The following IL1RAPL1 variants were observed in gnomAD, a reference collection of about 807,000 sequenced individuals.
IL1RAPL1 encodes the protein interleukin-1 receptor accessory protein-like 1.
IL1RAPL1 carries 3 observed loss-of-function variants against 48.4 expected under a neutral mutation model. The observed-to-expected ratio is 0.06, with a 90% CI of 0.03 to 0.16. The LOEUF is 0.16. Among genes scored for constraint, IL1RAPL1 ranks in the 10% least tolerant of loss-of-function variants. IL1RAPL1 has a pLI of 1.00. For missense variants in IL1RAPL1, 349 were observed against 530.6 expected (o/e 0.66, Z 3.36); for synonymous variants, 185 against 187.7 (o/e 0.99, Z 0.12).
intron 2 of IL1RAPL1, among the ~76,000 whole-genome samples, chrX:28,808,405 T>C (rs113114447): frequency 0.012 from 1,361 of 111,123 alleles, 24 homozygotes; most frequent in African/African-American, 0.042. Flanking sequence ...TTAATTTTAA[T>C]CTAGATGCCT....
chrX:29,035,880 T>C (rs1405175183), intron 2 of IL1RAPL1, among the ~76,000 whole-genome samples: 1 of 112,125 alleles, frequency 8.9e-6, no homozygotes, highest in Non-Finnish European at 1.9e-5. Flanking sequence ...CTAATTTTTA[T>C]TGTGATATGT....
chrX:29,816,730 C>T lies in IL1RAPL1; in HGVS notation c.779-100734C>T, dbSNP rs919123016. ...ACATCAAAAAGTTAATTCTCCATGACCACTCTTTAAAAATGATATTTAATG... is the reference window on the plus strand; with the variant it reads ...ACATCAAAAAGTTAATTCTCCATGATCACTCTTTAAAAATGATATTTAATG... On this transcript the variant is annotated intron_variant, in intron 6 of 10. Coordinates refer to ENST00000378993, the MANE Select transcript of IL1RAPL1 (RefSeq NM_014271.4). Among the ~76,000 whole-genome samples, 33 of 110,374 alleles carry T rather than the reference C, an allele frequency of 3.0e-4. 1 individual carries two copies. Among genetic ancestry groups the T allele is most frequent in the African/African-American group, 9.2e-4 (28 of 30,278 alleles).
intron 3 of IL1RAPL1, among the ~76,000 whole-genome samples, chrX:29,363,553 A>T (rs1216465158): frequency 9.0e-6 from 1 of 111,668 alleles, no homozygotes; most frequent in Non-Finnish European, 1.9e-5. Flanking sequence ...ATCCGTTCTC[A>T]CATCGCTATA....
At chrX:29,927,974 A>G (rs1225915984) in intron 8 of IL1RAPL1, among the ~76,000 whole-genome samples, 2 of 107,461 alleles carry the variant, frequency 1.9e-5, no homozygotes, top group African/African-American at 6.9e-5. Context: ...ACCATAGACC[A>G]TAGCAACACA....
In IL1RAPL1 at chrX:29,696,498, C is replaced by CACATCCAT. The variant is rs1459928681; in HGVS notation, c.778+27995_778+27996insCATCCATA. ...AAAAGTACACATATATCATCCATAA[C>CACATCCAT]AGCTCGGCAGACAGGTAGAATAAAT... On this transcript the variant is annotated intron_variant, in intron 6 of 10. Transcript: ENST00000378993. Among the ~76,000 whole-genome samples, 4 of 111,916 alleles carry CACATCCAT rather than the reference C, an allele frequency of 3.6e-5. No homozygotes were observed. The Admixed American group carries it at 3.8e-4, about 11-fold the overall frequency.
intron 5 of IL1RAPL1, among the ~76,000 whole-genome samples, chrX:29,612,304 C>G (rs1310982537): frequency 9.0e-6 from 1 of 110,606 alleles, no homozygotes; most frequent in Non-Finnish European, 1.9e-5. Flanking sequence ...CCAGTATTCT[C>G]TCCCCAAAAC....
chrX:29,021,011 G>A lies in IL1RAPL1; in HGVS notation c.82+231586G>A, dbSNP rs768855987. Among the ~76,000 whole-genome samples the A allele has an allele frequency of 6.4e-5, 7 of 110,023 alleles. No homozygotes were observed. In the East Asian group the frequency reaches 1.7e-3, roughly 27 times the overall value. ...GAGGCCGAGGCAGGCGGATCACGAG[G>A]TCAGGAGATCGAGACCATCCTGGCC... On this transcript the variant is annotated intron_variant, in intron 2 of 10. Transcript: ENST00000378993.
intron 6 of IL1RAPL1, among the ~76,000 whole-genome samples, chrX:29,776,114 A>G (rs780916942): frequency 8.9e-6 from 1 of 111,799 alleles, no homozygotes; most frequent in Admixed American, 9.5e-5. Flanking sequence ...GCATTTGATC[A>G]TGACATTTTC....
At chrX:29,060,043 A>T (rs1321975503) in intron 2 of IL1RAPL1, among the ~76,000 whole-genome samples, 1 of 111,954 alleles carries the variant, frequency 8.9e-6, no homozygotes, top group Non-Finnish European at 1.9e-5. Flanking sequence ...TCAACTTCCC[A>T]TAGAGAATTA....
intron 2 of IL1RAPL1, among the ~76,000 whole-genome samples, chrX:28,948,630 G>T (rs1418116598): frequency 9.0e-6 from 1 of 111,570 alleles, no homozygotes. Context: ...ATTTTAGATG[G>T]TACATGTAAA....
chrX:28,737,150 C>T (rs751033603), intron 1 of IL1RAPL1, among the ~76,000 whole-genome samples: 2,496 of 32,018 alleles, frequency 0.078, 153 homozygotes, highest in East Asian at 0.16. Flanking sequence ...TCCTTCCTTC[C>T]TTCCTTCCTT....
intron 6 of IL1RAPL1, among the ~76,000 whole-genome samples, chrX:29,758,700 A>T (rs1271082790): frequency 9.5e-6 from 1 of 105,646 alleles, no homozygotes; most frequent in Non-Finnish European, 2.0e-5. Flanking sequence ...CTTCTCAAAA[A>T]AAAAAAAATA....
At chrX:28,814,307 C>T (rs934509261) in intron 2 of IL1RAPL1, among the ~76,000 whole-genome samples, 4 of 106,916 alleles carry the variant, frequency 3.7e-5, no homozygotes, top group African/African-American at 1.4e-4. Context: ...ATGTTTCGTT[C>T]ACTTACTATA....
intron 1 of IL1RAPL1, among the ~76,000 whole-genome samples, chrX:28,757,302 G>A (rs894353656): frequency 8.9e-6 from 1 of 112,439 alleles, no homozygotes; most frequent in Admixed American, 9.4e-5. Context: ...AACAACAAGC[G>A]AATAAGAACA....
intron 2 of IL1RAPL1, among the ~76,000 whole-genome samples, chrX:29,202,775 A>C (rs1384084739): frequency 8.9e-6 from 1 of 111,869 alleles, no homozygotes; most frequent in Non-Finnish European, 1.9e-5. Flanking sequence ...ACCAAATACT[A>C]TGTGTTCTGA....
At chrX:29,700,704 A>G (rs1927028040) in intron 6 of IL1RAPL1, among the ~76,000 whole-genome samples, 2 of 111,819 alleles carry the variant, frequency 1.8e-5, no homozygotes, top group Non-Finnish European at 3.8e-5. Context: ...ATTTGTAAAG[A>G]AAGAATATGT....
At chrX:28,702,906 C>T (rs1435088673) in intron 1 of IL1RAPL1, among the ~76,000 whole-genome samples, 2 of 110,080 alleles carry the variant, frequency 1.8e-5, no homozygotes, top group Non-Finnish European at 3.8e-5. Context: ...GAGACCTAAA[C>T]TATTCTACCT....
intron 2 of IL1RAPL1, among the ~76,000 whole-genome samples, chrX:29,011,543 T>C (rs1926121990): frequency 1.8e-5 from 2 of 112,464 alleles, no homozygotes; most frequent in African/African-American, 6.5e-5. Context: ...TGTGATTCCA[T>C]GTGTATGAAA....
At chrX:29,115,869 T>C (rs1432171453) in intron 2 of IL1RAPL1, among the ~76,000 whole-genome samples, 1 of 111,557 alleles carries the variant, frequency 9.0e-6, no homozygotes, top group Non-Finnish European at 1.9e-5. Flanking sequence ...AGTTTTATAT[T>C]CTTACTCTAA....
Sources: allele counts gnomAD v4.1 joint callset (sites outside exome capture counted in the v4.1 genomes callset), GRCh38; gene constraint gnomAD v4.1.1; transcripts MANE v1.5; gene names NCBI Gene and HGNC (gene_info 2026-07-23, HGNC 2026-07-21).